Variants in GCC2 observed in about 807,000 individuals in gnomAD.
GCC2 encodes GRIP and coiled-coil domain containing 2.
GCC2 carries 120 observed loss-of-function variants against 210.6 expected under a neutral mutation model. That is an observed-to-expected ratio of 0.57 (90% CI 0.49 to 0.66). The LOEUF is 0.66. Among genes scored for constraint, GCC2 ranks in the 30% least tolerant of loss-of-function variants. The probability of loss-of-function intolerance (pLI) is 0.00; values close to 1 mark genes in which losing one functional copy is unlikely to be tolerated. For synonymous variants in GCC2, 703 were observed against 652.7 expected (o/e 1.08, Z -1.17); for missense variants, 1,868 against 1,871.9 (o/e 1.00, Z 0.04).
At chr2:108,469,193 A>G (rs1681057780) in intron 5 of GCC2, 109 bp downstream of exon 5, 1 of 533,624 alleles carries the variant, frequency 1.9e-6, no homozygotes, top group Non-Finnish European at 3.2e-6. Context: ...ATTTTATAAT[A>G]TAAACAAAGA....
chr2:108,454,180 C>T (rs369807621), intron 4 of GCC2, among the ~76,000 whole-genome samples: 4 of 152,128 alleles, frequency 2.6e-5, no homozygotes, highest in African/African-American at 9.7e-5. Context: ...TTAGTAGAAA[C>T]AGGGTTTCAC....
chr2:108,501,232 G>A (rs60371152), intron 22 of GCC2, among the ~76,000 whole-genome samples: 16,711 of 151,724 alleles, frequency 0.11, 3,187 homozygotes, highest in East Asian at 0.84. Flanking sequence ...TGATCTGCCC[G>A]CCTTGGCCTC....
Position 108,472,069 on chromosome 2 carries a change from G to C in GCC2, c.2740G>C (p.Glu914Gln). Residue 914 changes from glutamate (E) to glutamine (Q), a missense_variant, in exon 6 of 23, where the codon GAA (glutamate) becomes CAA (glutamine). This residue lies in a region of GCC2 where 1,847 missense variants were observed against 1,765.2 expected (regional missense o/e 1.05). Coordinates refer to ENST00000309863, the MANE Select transcript of GCC2 (RefSeq NM_181453.4). ...KEHENLKPLL[E>Q]QKELRDRRAE... is the part of the protein sequence containing the mutation. ...ACATGAAAACCTAAAGCCACTACTAGAACAAAAAGAATTACGAGATAGGAG... is the reference window on the plus strand; with the variant it reads ...ACATGAAAACCTAAAGCCACTACTACAACAAAAAGAATTACGAGATAGGAG... 6.4e-7 allele frequency: 1 copy of C among 1,570,708 alleles called. No homozygotes were observed. Among genetic ancestry groups the C allele is most frequent in the Non-Finnish European group, 8.6e-7 (1 of 1,167,390 alleles).
In GCC2 at chr2:108,479,166, AAAAAT is replaced by A. The variant is rs561798798; in HGVS notation, c.3061-2526_3061-2522del. 5.0e-3 allele frequency among the ~76,000 whole-genome samples: 762 copies of A among 152,250 alleles called. 7 individuals are homozygous for A. Among genetic ancestry groups the A allele is most frequent in the African/African-American group, 0.017 (721 of 41,552 alleles). The stretch of plus-strand genomic sequence containing the variant: ...CGACAGAGCGAGACAACGTCTCAAA[AAAAAT>A]AAAAAATAAGCCAGATTCTAGATTC... On this transcript the variant is annotated intron_variant, in intron 9 of 22. Coordinates refer to ENST00000309863, the MANE Select transcript of GCC2 (RefSeq NM_181453.4).
chr2:108,486,006 A>G (rs948617324), intron 15 of GCC2, 98 bp downstream of exon 15: 1 of 593,172 alleles, frequency 1.7e-6, no homozygotes, highest in Admixed American at 3.5e-5. Context: ...CGATATCTAG[A>G]AAGATTCCTC....
chr2:108,466,898 A>G (rs1680922793), intron 4 of GCC2, among the ~76,000 whole-genome samples: 1 of 152,206 alleles, frequency 6.6e-6, no homozygotes. Context: ...AACCTTAATT[A>G]TTGAATAGCC....
chr2:108,472,193 C>T (rs1346755540), intron 6 of GCC2, 77 bp downstream of exon 6: 5 of 1,031,646 alleles, frequency 4.8e-6, no homozygotes, highest in Non-Finnish European at 6.7e-6. Context: ...AACATTTTTA[C>T]ACCTTGACGT....
chr2:108,476,280 G>A (rs762120947), intron 9 of GCC2, among the ~76,000 whole-genome samples: 3 of 151,940 alleles, frequency 2.0e-5, no homozygotes, highest in African/African-American at 7.3e-5. Flanking sequence ...GGCTGGTCTT[G>A]AACTCCTGAC....
intron 15 of GCC2, among the ~76,000 whole-genome samples, chr2:108,486,155 A>AT (rs1459817995): frequency 6.6e-6 from 1 of 152,204 alleles, no homozygotes; most frequent in East Asian, 1.9e-4. Flanking sequence ...ATAAGCCTGC[A>AT]TCTGAACTAA....
At chr2:108,489,235 G>A (rs943739401) in intron 17 of GCC2, among the ~76,000 whole-genome samples, 1 of 152,186 alleles carries the variant, frequency 6.6e-6, no homozygotes, top group South Asian at 2.1e-4. Flanking sequence ...GTGTGAGTGC[G>A]CCAGGCATGG....
Position 108,484,325 on chromosome 2 carries a change from A to T in GCC2, c.3613+14A>T. On this transcript the variant is annotated intron_variant, in intron 13 of 22. Transcript: ENST00000309863. ...AAGAAGAAATAAGTGAGTTAAAGAA[A>T]ATTCACTTTACTTTTTAATTATTTC... is the stretch of plus-strand genomic sequence containing the variant. 7.2e-7 allele frequency: 1 copy of T among 1,389,280 alleles called. No homozygotes were observed. The highest frequency in any genetic ancestry group is 9.8e-7 in the Non-Finnish European group (1 of 1,019,924). The allele number at this position is 1,389,280 out of a possible 1,614,324, so 86.1% of individuals were successfully genotyped here. A position where few individuals can be genotyped will look rare whatever the true frequency, so the allele number is the denominator to read the frequency against.
At chr2:108,475,933 C>G in intron 9 of GCC2, 83 bp downstream of exon 9, 1 of 696,898 alleles carries the variant, frequency 1.4e-6, no homozygotes, top group East Asian at 2.9e-5. Context: ...AAATGTAAAA[C>G]TATTGTCAAC....
intron 17 of GCC2, among the ~76,000 whole-genome samples, chr2:108,488,148 C>T (rs1279286740): frequency 6.6e-6 from 1 of 152,050 alleles, no homozygotes; most frequent in Non-Finnish European, 1.5e-5. Context: ...CTCAGATGAT[C>T]CACCCGCCTC....
intron 19 of GCC2, 128 bp from the exon 20 acceptor site, chr2:108,495,163 T>G (rs1682586390): frequency 5.4e-6 from 3 of 559,460 alleles, no homozygotes; most frequent in Non-Finnish European, 9.3e-6. Flanking sequence ...CACCTTTCAC[T>G]TATCTTATAG....
Position 108,469,704 on chromosome 2 carries a change from A to G in GCC2, c.375A>G (p.Ile125Met), listed in dbSNP as rs1681083307. 6.2e-7 allele frequency: 1 copy of G among 1,609,378 alleles called. No homozygotes were observed. The highest frequency in any genetic ancestry group is 8.5e-7 in the Non-Finnish European group (1 of 1,176,294). ...DAHKELEQSH[I>M]NYVKEIENLK... is the part of the protein sequence containing the mutation. ...ATAAGGAGTTGGAACAATCACATATAAACTATGTGAAAGAAATTGAAAATT... is the reference window on the plus strand; with the variant it reads ...ATAAGGAGTTGGAACAATCACATATGAACTATGTGAAAGAAATTGAAAATT... The change falls in exon 6 of 23, where the codon ATA (isoleucine) becomes ATG (methionine). Residue 125 changes from isoleucine (I) to methionine (M), a missense_variant. Transcript: ENST00000309863.
At chr2:108,478,715 T>C (rs780559669) in intron 9 of GCC2, among the ~76,000 whole-genome samples, 1 of 152,202 alleles carries the variant, frequency 6.6e-6, no homozygotes, top group Non-Finnish European at 1.5e-5. Context: ...GCATAGCAAT[T>C]CAGTTTTTAC....
chr2:108,477,405 T>C lies in GCC2; in HGVS notation c.3060+1555T>C, dbSNP rs139172973. Among the ~76,000 whole-genome samples the C allele has an allele frequency of 4.4e-3, 672 of 152,336 alleles. 4 individuals are homozygous for C. The highest frequency in any genetic ancestry group is 0.013 in the South Asian group (65 of 4,834). ...ATCAACACTTTACAAGTGAGGACTCTGAGGCATAAATAGATGAAGGAACTC... is the reference window on the plus strand; with the variant it reads ...ATCAACACTTTACAAGTGAGGACTCCGAGGCATAAATAGATGAAGGAACTC... On this transcript the variant is annotated intron_variant, in intron 9 of 22. Coordinates refer to ENST00000309863, the MANE Select transcript of GCC2 (RefSeq NM_181453.4).
chr2:108,471,680 A>C lies in GCC2; in HGVS notation c.2351A>C (p.Gln784Pro). 1 of 1,613,718 alleles carries C rather than the reference A, an allele frequency of 6.2e-7. No homozygotes were observed. Among genetic ancestry groups the C allele is most frequent in the Non-Finnish European group, 8.5e-7 (1 of 1,179,714 alleles). ...GAGAAAGATGTTGTTAATGTCCTACAGGCAGTCGGTGAATCCTTGGCAAAA... is the reference window on the plus strand; with the variant it reads ...GAGAAAGATGTTGTTAATGTCCTACCGGCAGTCGGTGAATCCTTGGCAAAA... ...SEEKDVVNVL[Q>P]AVGESLAKIN... is the part of the protein sequence containing the mutation. The change falls in exon 6 of 23, where the codon CAG becomes CCG. Residue 784 changes from glutamine to proline, a missense_variant. By Grantham distance (76) the Gln-to-Pro change is moderately conservative. Transcript: ENST00000309863.
At position 108,471,901 on chromosome 2, in the gene GCC2, C is replaced by T; in HGVS notation, c.2572C>T (p.Gln858Ter). Residue 858 changes from glutamine to a stop codon, truncating the protein, a stop_gained, in exon 6 of 23, where the codon CAG (glutamine) becomes TAG (stop). Transcript: ENST00000309863. LOFTEE classifies it high-confidence loss of function. ...AATACAGTCAGAAAAAGAGGCCCTG[C>T]AGTCTGATCTTCTAGAAATGAAGAA... ...EEIQSEKEAL[Q>*]SDLLEMKNAN... is the part of the protein sequence containing the mutation. 1 of 1,602,158 alleles carries T rather than the reference C, an allele frequency of 6.2e-7. No individual in the cohort carries two copies. Among genetic ancestry groups the T allele is most frequent in the Non-Finnish European group, 8.5e-7 (1 of 1,175,508 alleles).
Sources: allele counts gnomAD v4.1 joint callset (sites outside exome capture counted in the v4.1 genomes callset), GRCh38; gene constraint gnomAD v4.1.1; regional missense constraint gnomAD v4.1.1; transcripts MANE v1.5; gene names NCBI Gene and HGNC (gene_info 2026-07-23, HGNC 2026-07-21).